The following ROR1 variants were observed in gnomAD, a reference collection of about 807,000 sequenced individuals.
The protein encoded by ROR1 is inactive tyrosine-protein kinase transmembrane receptor ROR1.
Under a neutral mutation model 78.8 loss-of-function variants are expected in ROR1, and 19 were observed. That is an observed-to-expected ratio of 0.24 (90% confidence interval 0.17 to 0.35). The LOEUF is 0.35. Ranked by LOEUF, ROR1 falls within the 10% of genes least tolerant of loss-of-function variation. The pLI is 1.00. For missense variants in ROR1, 917 were observed against 1,177.8 expected (o/e 0.78, Z 3.24); for synonymous variants, 386 against 433.6 (o/e 0.89, Z 1.36).
At chr1:64,024,747 C>T (rs569910738) in intron 2 of ROR1, among the ~76,000 whole-genome samples, 1 of 152,268 alleles carries the variant, frequency 6.6e-6, no homozygotes, top group East Asian at 1.9e-4. Context: ...TCCTATTCTA[C>T]TACTACTTAC....
At chr1:63,861,711 G>A (rs962347437) in intron 1 of ROR1, among the ~76,000 whole-genome samples, 1 of 152,158 alleles carries the variant, frequency 6.6e-6, no homozygotes, top group East Asian at 1.9e-4. Context: ...ATGGTTTTTG[G>A]GGATTCTACT....
At chr1:63,986,783 A>G (rs1370631067) in intron 1 of ROR1, among the ~76,000 whole-genome samples, 6 of 151,840 alleles carry the variant, frequency 4.0e-5, no homozygotes, top group Non-Finnish European at 8.8e-5. Flanking sequence ...TGTGGTCCCA[A>G]TTACTCTGAA....
At chr1:63,993,232 A>G (rs1360044314) in intron 1 of ROR1, among the ~76,000 whole-genome samples, 4 of 152,182 alleles carry the variant, frequency 2.6e-5, no homozygotes, top group African/African-American at 9.7e-5. Flanking sequence ...ACTCGCTCTT[A>G]TGAGGTGCTC....
intron 7 of ROR1, among the ~76,000 whole-genome samples, chr1:64,148,171 A>G (rs1162553784): frequency 6.6e-6 from 1 of 152,218 alleles, no homozygotes; most frequent in African/African-American, 2.4e-5. Flanking sequence ...AAATAGTTCT[A>G]TCCCCCTAGG....
At chr1:63,789,080 G>C in intron 1 of ROR1, 1 of 619,310 alleles carries the variant, frequency 1.6e-6, no homozygotes, top group Non-Finnish European at 3.1e-6. Flanking sequence ...CTATGCCCAT[G>C]TGCCTGCCCT....
At chr1:64,149,894 A>G (rs1649573456) in intron 7 of ROR1, among the ~76,000 whole-genome samples, 1 of 152,090 alleles carries the variant, frequency 6.6e-6, no homozygotes, top group African/African-American at 2.4e-5. Context: ...GAAACTGTCA[A>G]TACCTCTGAG....
chr1:64,005,181 G>C (rs920821997), intron 1 of ROR1, among the ~76,000 whole-genome samples: 4 of 152,160 alleles, frequency 2.6e-5, no homozygotes, highest in Non-Finnish European at 5.9e-5. Context: ...TCCATGCAGA[G>C]GATGGCCACT....
At chr1:63,827,908 T>A (rs1187923426) in intron 1 of ROR1, among the ~76,000 whole-genome samples, 1 of 152,196 alleles carries the variant, frequency 6.6e-6, no homozygotes, top group East Asian at 1.9e-4. Context: ...TTGTAAATGT[T>A]TTTCTCATTA....
intron 1 of ROR1, among the ~76,000 whole-genome samples, chr1:63,929,954 A>G (rs563550960): frequency 1.3e-5 from 2 of 152,230 alleles, no homozygotes; most frequent in South Asian, 4.2e-4. Context: ...CTGTAGACAG[A>G]GTGTTAGGAC....
intron 1 of ROR1, among the ~76,000 whole-genome samples, chr1:63,967,668 C>G (rs1250915723): frequency 6.6e-6 from 1 of 152,186 alleles, no homozygotes; most frequent in Non-Finnish European, 1.5e-5. Flanking sequence ...AAGTGACCTG[C>G]CCCAGTCCTA....
intron 1 of ROR1, among the ~76,000 whole-genome samples, chr1:63,794,082 G>C (rs141618420): frequency 1.3e-5 from 2 of 152,186 alleles, no homozygotes; most frequent in Non-Finnish European, 2.9e-5. Flanking sequence ...AGTGAAGGAC[G>C]TCCTCACTGT....
chr1:64,090,530 G>T (rs546552463), intron 4 of ROR1, among the ~76,000 whole-genome samples: 1 of 152,254 alleles, frequency 6.6e-6, no homozygotes, highest in South Asian at 2.1e-4. Context: ...AAACATATTG[G>T]GATATGCTGT....
At chr1:63,907,539 A>T (rs1331290213) in intron 1 of ROR1, among the ~76,000 whole-genome samples, 1 of 152,234 alleles carries the variant, frequency 6.6e-6, no homozygotes, top group Non-Finnish European at 1.5e-5. Flanking sequence ...AAGTCAGGCC[A>T]TGTAGGTGGC....
chr1:64,133,898 T>C (rs1221554122), intron 4 of ROR1, among the ~76,000 whole-genome samples: 1 of 152,156 alleles, frequency 6.6e-6, no homozygotes, highest in Non-Finnish European at 1.5e-5. Flanking sequence ...TGGAGGAGCA[T>C]TTGTTCCCCT....
At chr1:63,911,016 A>C (rs538592325) in intron 1 of ROR1, among the ~76,000 whole-genome samples, 1 of 152,336 alleles carries the variant, frequency 6.6e-6, no homozygotes, top group South Asian at 2.1e-4. Context: ...CAACTTGAGA[A>C]CTGCAGGAAG....
intron 7 of ROR1, among the ~76,000 whole-genome samples, chr1:64,147,895 T>G (rs527459420): frequency 6.6e-6 from 1 of 152,254 alleles, no homozygotes; most frequent in East Asian, 1.9e-4. Flanking sequence ...ATTTTGGTTA[T>G]CACAAGTGGG....
intron 1 of ROR1, among the ~76,000 whole-genome samples, chr1:63,927,834 G>A (rs1222453980): frequency 6.6e-6 from 1 of 152,126 alleles, no homozygotes; most frequent in Non-Finnish European, 1.5e-5. Context: ...CAACGACTAG[G>A]CCTGTTCTGG....
At chr1:64,062,193 A>C (rs1149262) in intron 4 of ROR1, among the ~76,000 whole-genome samples, 97,090 of 152,114 alleles carry the variant, frequency 0.64, 33,401 homozygotes, top group East Asian at 0.91. Flanking sequence ...GGCTCCTGCT[A>C]TGTTGGGTGA....
At chr1:64,142,757 T>C (rs1378353205) in intron 7 of ROR1, 107 bp downstream of exon 7, 10 of 1,508,314 alleles carry the variant, frequency 6.6e-6, no homozygotes, top group Admixed American at 2.1e-5. Flanking sequence ...AAATGGACAG[T>C]ATTTGCTTGA....
Sources: gnomAD v4.1 joint callset for allele counts (sites outside exome capture counted in the v4.1 genomes callset) on GRCh38, gnomAD v4.1.1 for gene constraint, MANE v1.5 for transcripts, NCBI Gene and HGNC (gene_info 2026-07-23, HGNC 2026-07-21) for gene names.